The following DHPS variants were observed in gnomAD, a reference collection of about 807,000 sequenced individuals.
DHPS encodes deoxyhypusine synthase, also known as migration-inducing gene 13.
Under a neutral mutation model 38.7 loss-of-function variants are expected in DHPS, and 24 were observed. That is an observed-to-expected ratio of 0.62 (90% confidence interval 0.45 to 0.87). The LOEUF is 0.87. Among genes scored for constraint, DHPS ranks in the 40% least tolerant of loss-of-function variants. The probability of loss-of-function intolerance (pLI) is 0.00; values close to 1 mark genes in which losing one functional copy is unlikely to be tolerated. For synonymous variants in DHPS, 250 were observed against 204.4 expected (o/e 1.22, Z -1.90); for missense variants, 510 against 497.6 (o/e 1.02, Z -0.24).
chr19:12,681,314 G>A (rs1599386436), intron 1 of DHPS: 3 of 1,140,718 alleles, frequency 2.6e-6, no homozygotes, highest in South Asian at 3.3e-5. Flanking sequence ...CCTAGAACCC[G>A]CCCCCACACC....
At chr19:12,672,766 C>T (rs1599371065), downstream of DHPS, 1 of 1,417,792 alleles carries the variant, frequency 7.1e-7, no homozygotes, top group East Asian at 2.5e-5. Context: ...AGAGCAGGCC[C>T]ACTGGGCTGG....
chr19:12,672,642 C>G (rs1599370913), downstream of DHPS: 1 of 600,566 alleles, frequency 1.7e-6, no homozygotes, highest in East Asian at 2.8e-5. Context: ...ATCAGAAGGA[C>G]TCCAAGGGCT....
In DHPS at chr19:12,676,116, G is replaced by A; in HGVS notation, c.915C>T (p.Tyr305=). The A allele has an allele frequency of 6.2e-7, 1 of 1,613,308 alleles. No individual in the cohort carries two copies. ...CATCAAACTCCTGGGCTGTGTTGATGTAAACAGCGTAGTCGGCCCCGTTCC... is the reference window on the plus strand; with the variant it reads ...CATCAAACTCCTGGGCTGTGTTGATATAAACAGCGTAGTCGGCCCCGTTCC... ...LMRNGADYAV[Y]INTAQEFDGS... The change falls in exon 8 of 9, where the codon TAC becomes TAT. Residue 305 remains tyrosine (Y), a synonymous_variant. Transcript: ENST00000210060.
rs1050610 is a variant in DHPS, at chr19:12,680,257, G to T, written c.276C>A (p.Arg92=). 1 of 1,614,142 alleles carries T rather than the reference G, an allele frequency of 6.2e-7. No homozygotes were observed. The highest frequency in any genetic ancestry group is 8.5e-7 in the Non-Finnish European group (1 of 1,180,034). The change falls in exon 2 of 9, where the codon CGC becomes CGA. Residue 92 remains arginine (R), a synonymous_variant. Coordinates refer to ENST00000210060, the MANE Select transcript of DHPS (RefSeq NM_001930.4). Reference sequence around the variant, plus strand: ...GGAAAATGGTGCAGCTGGTAAGTGGGCGGCGGCTCTGGGTCAGGTCCGCGT... The same window carrying T: ...GGAAAATGGTGCAGCTGGTAAGTGGTCGGCGGCTCTGGGTCAGGTCCGCGT... The part of the protein sequence containing the change: ...DQHADLTQSR[R]PLTSCTIFLG...
intron 7 of DHPS, 83 bp from the exon 8 acceptor site, chr19:12,676,225 G>C: frequency 6.8e-7 from 1 of 1,460,922 alleles, no homozygotes; most frequent in Non-Finnish European, 9.1e-7. Context: ...AGCCAAACAG[G>C]CTGAGAGGTG....
At chr19:12,675,286 A>G (rs1006982434), downstream of DHPS, among the ~76,000 whole-genome samples, 5 of 152,270 alleles carry the variant, frequency 3.3e-5, no homozygotes, top group South Asian at 2.1e-4. Flanking sequence ...TAAAAAATCA[A>G]TAAGAGGCTC....
chr19:12,675,879 G>T lies in DHPS; in HGVS notation c.1069C>A (p.Gln357Lys), dbSNP rs2024564757. Residue 357 changes from glutamine (Q) to lysine (K), a missense_variant, in exon 9 of 9, where the codon CAG becomes AAG. By Grantham distance (53) the Gln-to-Lys change is moderately conservative. Transcript: ENST00000210060. ...FPLLVAETFA[Q>K]KMDAFMHEKN... ...TCATGCATGAAGGCATCCATCTTCTGGGCAAAGGTTTCAGCCACAAGCAGG... is the reference window on the plus strand; with the variant it reads ...TCATGCATGAAGGCATCCATCTTCTTGGCAAAGGTTTCAGCCACAAGCAGG... The T allele has an allele frequency of 6.2e-7, 1 of 1,610,096 alleles. No homozygotes were observed. The highest frequency in any genetic ancestry group is 8.5e-7 in the Non-Finnish European group (1 of 1,178,080).
rs189712622 is a variant in DHPS at position 12,681,840 on chromosome 19, C to T, written c.-74G>A. On this transcript the variant is annotated 5_prime_UTR_variant, in exon 1 of 9. Transcript: ENST00000210060. ...CGGCGGCCCAGAAACGCGTTAAACC[C>T]CGACGCGCGCGTCTCCGCAAGAGCA... The T allele has an allele frequency of 2.0e-4, 262 of 1,323,990 alleles. 2 individuals carry two copies. The African/African-American group carries it at 3.4e-3, about 17-fold the overall frequency. The allele number at this position is 1,323,990 out of a possible 1,614,324, so 82.0% of individuals were successfully genotyped here. A position where few individuals can be genotyped will look rare whatever the true frequency, so the allele number is the denominator to read the frequency against.
At position 12,677,410 on chromosome 19, in the gene DHPS, G is replaced by A. The variant is rs2024641874; in HGVS notation, c.679-14C>T. The A allele has an allele frequency of 6.2e-6, 10 of 1,609,606 alleles. No individual in the cohort carries two copies. Among genetic ancestry groups the A allele is most frequent in the Admixed American group, 3.4e-5 (2 of 59,580 alleles). Reference sequence around the variant, plus strand: ...AGGGATGTGGTTCTGCAGAGAACATGACAGGACAGTGGCTGGAGCTCAGAG... The same window carrying A: ...AGGGATGTGGTTCTGCAGAGAACATAACAGGACAGTGGCTGGAGCTCAGAG... On this transcript the variant is annotated splice_polypyrimidine_tract_variant and intron_variant, in intron 5 of 8. Transcript: ENST00000210060.
downstream of DHPS, among the ~76,000 whole-genome samples, chr19:12,674,898 G>A (rs896912287): frequency 1.1e-4 from 17 of 149,452 alleles, no homozygotes; most frequent in African/African-American, 4.2e-4. Context: ...GGTGGATCAC[G>A]AGGTCAGGAG....
chr19:12,678,768 CAAAAAAAAAAAA>C (rs1183531365), intron 5 of DHPS, among the ~76,000 whole-genome samples: 1 of 46,340 alleles, frequency 2.2e-5, no homozygotes, highest in African/African-American at 9.2e-5. Flanking sequence ...GACTCTGTCT[CAAAAAAAAAAAA>C]AAAAAAAAAA....
At chr19:12,674,448 G>C (rs889667649), downstream of DHPS, among the ~76,000 whole-genome samples, 1 of 140,360 alleles carries the variant, frequency 7.1e-6, no homozygotes, top group Non-Finnish European at 1.6e-5. Context: ...GGAGGGAACC[G>C]GGGGGGCCCT....
downstream of DHPS, chr19:12,672,618 G>T: frequency 1.8e-6 from 1 of 564,954 alleles, no homozygotes; most frequent in African/African-American, 1.9e-5. Flanking sequence ...CAAACAAAAG[G>T]AAGAAAAGGG....
chr19:12,676,527 G>A (rs1285401029), intron 7 of DHPS: 3 of 224,512 alleles, frequency 1.3e-5, no homozygotes, highest in Middle Eastern at 1.7e-3. Flanking sequence ...CCACCAGGGG[G>A]AGCATGGGAA....
At chr19:12,679,571 T>C (rs746562716) in intron 4 of DHPS, 28 bp from the exon 5 acceptor site, 9 of 1,613,820 alleles carry the variant, frequency 5.6e-6, no homozygotes, top group South Asian at 1.1e-5. Flanking sequence ...CTTCAGGCCA[T>C]GCCTCCCCTG....
intron 1 of DHPS, chr19:12,681,197 A>G: frequency 8.2e-7 from 1 of 1,224,800 alleles, no homozygotes; most frequent in Non-Finnish European, 1.0e-6. Context: ...CCGCTGGGAA[A>G]AGCAAATCTA....
chr19:12,681,580 C>T lies in DHPS; in HGVS notation c.187G>A (p.Val63Ile), dbSNP rs1430967983. 4 of 1,614,270 alleles carry T rather than the reference C, an allele frequency of 2.5e-6. No homozygotes were observed. The highest frequency in any genetic ancestry group is 1.7e-6 in the Non-Finnish European group (2 of 1,180,054). Residue 63 changes from valine to isoleucine, a missense_variant, in exon 1 of 9, where the codon GTA becomes ATA. Physicochemically the swap from Val to Ile is conservative, Grantham distance 29. Transcript: ENST00000210060. ...GFQATNFGRAVQQVNAMIEKK... is the reference protein window; with the variant it reads ...GFQATNFGRAIQQVNAMIEKK... ...CTCACCATGGCATTGACTTGCTGTACAGCGCGCCCGAAGTTGGTTGCTTGG... is the reference window on the plus strand; with the variant it reads ...CTCACCATGGCATTGACTTGCTGTATAGCGCGCCCGAAGTTGGTTGCTTGG...
Position 12,677,206 on chromosome 19 carries a change from T to G in DHPS, c.790A>C (p.Arg264=). Residue 264 remains arginine (R), a synonymous_variant, in exon 7 of 9, where the codon AGG becomes CGG. Transcript: ENST00000210060. ...GLVLDIVEDL[R]LINTQAIFAK... ...AAGATGGCCTGTGTGTTGATGAGCC[T>G]CAGGTCTGGGGGAAGAGCGCCGAAG... 1 of 1,614,208 alleles carries G rather than the reference T, an allele frequency of 6.2e-7. No homozygotes were observed. Among genetic ancestry groups the G allele is most frequent in the South Asian group, 1.1e-5 (1 of 91,078 alleles).
chr19:12,672,583 G>A, downstream of DHPS: 1 of 495,390 alleles, frequency 2.0e-6, no homozygotes, highest in Non-Finnish European at 3.7e-6. Context: ...ACTCCAGCCT[G>A]AGCAACAAGA....
Sources: gnomAD v4.1 joint callset for allele counts (sites outside exome capture counted in the v4.1 genomes callset) on GRCh38, gnomAD v4.1.1 for gene constraint, MANE v1.5 for transcripts, NCBI Gene and HGNC (gene_info 2026-07-23, HGNC 2026-07-21) for gene names.